Variants in SIK3 observed in about 807,000 individuals in gnomAD.
SIK3 encodes SIK family kinase 3.
SIK3 carries 28 observed loss-of-function variants against 144.2 expected under a neutral mutation model. The observed-to-expected ratio is 0.19, with a 90% confidence interval of 0.14 to 0.27. The LOEUF is 0.27. Among genes scored for constraint, SIK3 ranks in the 10% least tolerant of loss-of-function variants. The pLI is 1.00. For missense variants in SIK3, 1,319 were observed against 1,776.0 expected, an observed-to-expected ratio of 0.74 and a Z score of 4.62; for synonymous variants, 686 against 676.3, an observed-to-expected ratio of 1.01 and a Z score of -0.22.
At chr11:117,004,534 C>A (rs773662833) in intron 1 of SIK3, among the ~76,000 whole-genome samples, 25 of 152,042 alleles carry the variant, frequency 1.6e-4, no homozygotes, top group Non-Finnish European at 3.7e-4. Flanking sequence ...AAAAAAAGAA[C>A]AACGTTATTT....
intron 1 of SIK3, among the ~76,000 whole-genome samples, chr11:117,059,332 CTT>C (rs1048126887): frequency 7.9e-5 from 12 of 152,140 alleles, no homozygotes; most frequent in Admixed American, 6.5e-4. Flanking sequence ...CAGTTACAGT[CTT>C]AATATCACAC....
intron 1 of SIK3, among the ~76,000 whole-genome samples, chr11:117,011,057 T>C (rs1951231160): frequency 6.6e-6 from 1 of 152,096 alleles, no homozygotes; most frequent in Admixed American, 6.6e-5. Flanking sequence ...GAGGCAGAGG[T>C]TGCAGTGAGC....
intron 1 of SIK3, among the ~76,000 whole-genome samples, chr11:116,991,725 AT>A (rs753682494): frequency 2.0e-5 from 3 of 152,078 alleles, no homozygotes; most frequent in Non-Finnish European, 4.4e-5. Context: ...AGATTTTCCA[AT>A]ATTCCCAGCC....
intron 1 of SIK3, among the ~76,000 whole-genome samples, chr11:117,065,160 TAATAATAATAATAAC>T (rs1953952460): frequency 6.7e-6 from 1 of 149,872 alleles, no homozygotes; most frequent in African/African-American, 2.4e-5. Context: ...AAAATAATAA[TAATAATAATAATAAC>T]AATAATAATA....
At chr11:116,916,793 A>G (rs1364311373) in intron 4 of SIK3, among the ~76,000 whole-genome samples, 3 of 148,626 alleles carry the variant, frequency 2.0e-5, no homozygotes, top group Non-Finnish European at 4.5e-5. Context: ...TACAGGTGTG[A>G]GCCAAAAAAA....
Position 117,098,380 on chromosome 11 carries a change from A to AGTCCCG in SIK3, c.35_36insCGGGAC (p.Ala12_Ala13insGlyThr). 8.7e-7 allele frequency: 1 copy of AGTCCCG among 1,155,216 alleles called. No individual in the cohort carries two copies. The highest frequency in any genetic ancestry group is 1.1e-6 in the Non-Finnish European group (1 of 942,460). The allele number at this position is 1,155,216 out of a possible 1,614,324, so 71.6% of individuals were successfully genotyped here. A position where few individuals can be genotyped will look rare whatever the true frequency, so the allele number is the denominator to read the frequency against. ...CGGCTCCCCCAGTCCCGGCCCCGGC[A>AGTCCCG]GCCCCGCCAGCTCCGCTCGCCGCCG... On this transcript the variant is annotated inframe_insertion, in exon 1 of 25. Transcript: ENST00000445177.
At chr11:117,063,836 G>A (rs992585856) in intron 1 of SIK3, among the ~76,000 whole-genome samples, 9 of 151,820 alleles carry the variant, frequency 5.9e-5, no homozygotes, top group Non-Finnish European at 1.3e-4. Flanking sequence ...CCAAAGCTAG[G>A]ATTACAGGCA....
At chr11:117,020,444 G>A (rs530696584) in intron 1 of SIK3, among the ~76,000 whole-genome samples, 46 of 152,082 alleles carry the variant, frequency 3.0e-4, no homozygotes, top group African/African-American at 1.1e-3. Flanking sequence ...TTATGTTAAT[G>A]AGATGATTTT....
intron 1 of SIK3, among the ~76,000 whole-genome samples, chr11:117,025,012 T>A (rs775054036): frequency 2.0e-5 from 3 of 152,182 alleles, no homozygotes; most frequent in African/African-American, 7.2e-5. Context: ...ATATCAGATG[T>A]CTTTCCACTT....
intron 1 of SIK3, among the ~76,000 whole-genome samples, chr11:117,020,081 T>C (rs1368485564): frequency 2.0e-5 from 3 of 151,758 alleles, no homozygotes; most frequent in East Asian, 3.8e-4. Context: ...ACATACAACC[T>C]TCCAAACCCG....
At chr11:116,887,688 CACTT>C (rs1944898384) in intron 6 of SIK3, among the ~76,000 whole-genome samples, 1 of 150,952 alleles carries the variant, frequency 6.6e-6, no homozygotes, top group South Asian at 2.1e-4. Context: ...CATTCAAAAA[CACTT>C]ACTGAATGCT....
intron 1 of SIK3, among the ~76,000 whole-genome samples, chr11:117,055,399 T>A (rs2135931041): frequency 6.6e-6 from 1 of 152,334 alleles, no homozygotes; most frequent in South Asian, 2.1e-4. Flanking sequence ...GTAGCTCTAG[T>A]CTCCCCACTC....
At chr11:117,035,609 C>T (rs1278624975) in intron 1 of SIK3, among the ~76,000 whole-genome samples, 2 of 152,166 alleles carry the variant, frequency 1.3e-5, no homozygotes, top group Non-Finnish European at 1.5e-5. Flanking sequence ...GGCTGGAATG[C>T]AGTGATGTGA....
chr11:116,975,133 T>C (rs1325863528), intron 1 of SIK3, among the ~76,000 whole-genome samples: 1 of 152,044 alleles, frequency 6.6e-6, no homozygotes, highest in Non-Finnish European at 1.5e-5. Flanking sequence ...ATAATCACAT[T>C]AGTATTTCTC....
chr11:117,082,452 T>C (rs564486131), intron 1 of SIK3, among the ~76,000 whole-genome samples: 2 of 152,232 alleles, frequency 1.3e-5, no homozygotes, highest in South Asian at 4.1e-4. Context: ...CATAAAAAAA[T>C]AATGAGATTC....
At chr11:116,931,779 C>T (rs1411966113) in intron 3 of SIK3, among the ~76,000 whole-genome samples, 10 of 152,182 alleles carry the variant, frequency 6.6e-5, no homozygotes, top group East Asian at 5.8e-4. Context: ...ATCAAACAAA[C>T]GCTTCTTTCC....
intron 6 of SIK3, 44 bp from the exon 7 acceptor site, chr11:116,877,086 G>C (rs1384504580): frequency 1.4e-5 from 22 of 1,554,454 alleles, no homozygotes; most frequent in Non-Finnish European, 1.9e-5. Context: ...GGTGAGGGGA[G>C]GCACCAGGGG....
chr11:116,896,393 G>A lies in SIK3; in HGVS notation c.742-17C>T. ...TCCAAGGCTCTGCATCCCAAACAGA[G>A]AGGATGTACAATTAATCACATCAGG... is the stretch of plus-strand genomic sequence containing the variant. On this transcript the variant is annotated splice_polypyrimidine_tract_variant and intron_variant, in intron 5 of 24. Transcript: ENST00000445177. 3.1e-6 allele frequency: 5 copies of A among 1,611,880 alleles called. No individual in the cohort carries two copies. Among genetic ancestry groups the A allele is most frequent in the Non-Finnish European group, 4.2e-6 (5 of 1,178,384 alleles).
intron 6 of SIK3, among the ~76,000 whole-genome samples, chr11:116,882,608 G>T (rs1944605549): frequency 6.6e-6 from 1 of 152,146 alleles, no homozygotes; most frequent in African/African-American, 2.4e-5. Flanking sequence ...GCTTTGAGCT[G>T]GTGGAAACAG....
Sources: allele counts gnomAD v4.1 joint callset (sites outside exome capture counted in the v4.1 genomes callset), GRCh38; gene constraint gnomAD v4.1.1; transcripts MANE v1.5; gene names NCBI Gene and HGNC (gene_info 2026-07-23, HGNC 2026-07-21).